The following EPS8 variants were observed in gnomAD, a reference collection of about 807,000 sequenced individuals.
EPS8 encodes EGFR pathway substrate 8, signaling adaptor, also known as epidermal growth factor receptor kinase substrate 8.
Under a neutral mutation model 103.8 loss-of-function variants are expected in EPS8, and 42 were observed. The observed-to-expected ratio is 0.40, with a 90% CI of 0.32 to 0.52. The LOEUF is 0.52. Ranked by LOEUF, EPS8 falls within the 20% of genes least tolerant of loss-of-function variation. The pLI is 0.40. For synonymous variants in EPS8, 344 were observed against 344.6 expected (o/e 1.00, Z 0.02); for missense variants, 969 against 1,005.1 (o/e 0.96, Z 0.49).
At chr12:15,635,142 T>C (rs1945112625) in intron 17 of EPS8, among the ~76,000 whole-genome samples, 1 of 152,200 alleles carries the variant, frequency 6.6e-6, no homozygotes, top group South Asian at 2.1e-4. Context: ...TTACAGAAGG[T>C]AATACTGCAT....
At chr12:15,686,830 C>T (rs1946102125) in intron 1 of EPS8, among the ~76,000 whole-genome samples, 1 of 152,044 alleles carries the variant, frequency 6.6e-6, no homozygotes, top group South Asian at 2.1e-4. Flanking sequence ...ATCTTGCTGC[C>T]ACATAATTAG....
At position 15,647,268 on chromosome 12, in the gene EPS8, A is replaced by G. The variant is rs1261868254; in HGVS notation, c.1435-8T>C. 1.2e-6 allele frequency: 2 copies of G among 1,609,814 alleles called. No homozygotes were observed. The highest frequency in any genetic ancestry group is 3.4e-5 in the Admixed American group (2 of 59,164). On this transcript the variant is annotated splice_polypyrimidine_tract_variant and splice_region_variant and intron_variant, in intron 14 of 20. Coordinates refer to ENST00000281172, the MANE Select transcript of EPS8 (RefSeq NM_004447.6). ...CTCTGATACACTGGAATGCTGAAAGACAAAGTGGGGCAGATTAAAGAATCA... is the reference window on the plus strand; with the variant it reads ...CTCTGATACACTGGAATGCTGAAAGGCAAAGTGGGGCAGATTAAAGAATCA...
At position 15,779,072 on chromosome 12, in the gene EPS8, G is replaced by C. The variant is rs1407697225; in HGVS notation, c.-22+10089C>G. Among the ~76,000 whole-genome samples the C allele has an allele frequency of 2.6e-5, 4 of 152,036 alleles. No individual in the cohort carries two copies. The highest frequency in any genetic ancestry group is 2.6e-4 in the Admixed American group (4 of 15,256). On this transcript the variant is annotated intron_variant, in intron 1 of 20. Coordinates refer to ENST00000281172, the MANE Select transcript of EPS8 (RefSeq NM_004447.6). This position sits in a 1 kb window ranked among gnomAD's most constrained non-coding sequence, Gnocchi z 4.3. ...GGCTCACCACAACCTCCTGCCTCCC[G>C]GGTTCAAGCAATTCTCCTGCCTCAG...
At chr12:15,649,537 CG>C (rs1565478919) in intron 14 of EPS8, among the ~76,000 whole-genome samples, 1 of 152,008 alleles carries the variant, frequency 6.6e-6, no homozygotes, top group Non-Finnish European at 1.5e-5. Flanking sequence ...GCTTGCCAAC[CG>C]AGCAGTGAGG....
intron 18 of EPS8, among the ~76,000 whole-genome samples, chr12:15,629,610 C>T (rs1483401914): frequency 6.6e-6 from 1 of 152,194 alleles, no homozygotes; most frequent in Non-Finnish European, 1.5e-5. Flanking sequence ...TCTACACACT[C>T]ACGCACACAG....
chr12:15,774,894 T>C lies in EPS8; in HGVS notation c.-22+14267A>G, dbSNP rs942122063. On this transcript the variant is annotated intron_variant, in intron 1 of 20. Transcript: ENST00000281172. ...AATGGCCCAATCCATGCATGCTTAG[T>C]ATTTAAAAGCAATTCTTGACCCTGC... 5.9e-5 allele frequency among the ~76,000 whole-genome samples: 9 copies of C among 152,038 alleles called. No individual in the cohort carries two copies. The East Asian group carries it at 7.7e-4, about 13-fold the overall frequency.
At chr12:15,661,040 G>C (rs558920581) in intron 9 of EPS8, among the ~76,000 whole-genome samples, 157 of 152,092 alleles carry the variant, frequency 1.0e-3, no homozygotes, top group Non-Finnish European at 2.0e-3. Flanking sequence ...CACACAGTTA[G>C]GAGGAAAATT....
intron 3 of EPS8, among the ~76,000 whole-genome samples, chr12:15,679,283 A>T (rs1436540366): frequency 6.6e-6 from 1 of 152,202 alleles, no homozygotes; most frequent in South Asian, 2.1e-4. Flanking sequence ...CTGCTCATTC[A>T]TTGTAAACAA....
chr12:15,768,450 AAAAAAG>A (rs1255928207), intron 1 of EPS8, among the ~76,000 whole-genome samples: 2 of 150,934 alleles, frequency 1.3e-5, no homozygotes, highest in South Asian at 2.1e-4. Context: ...AAAAAAAAAA[AAAAAAG>A]AATTTTAAGA....
chr12:15,699,851 C>A (rs1946289729), intron 1 of EPS8, among the ~76,000 whole-genome samples: 1 of 152,112 alleles, frequency 6.6e-6, no homozygotes, highest in South Asian at 2.1e-4. Flanking sequence ...CAATTCCCAC[C>A]CCTTTTTAAA....
At position 15,669,394 on chromosome 12, in the gene EPS8, T is replaced by G; in HGVS notation, c.509A>C (p.Glu170Ala). 6.2e-7 allele frequency: 1 copy of G among 1,610,028 alleles called. No homozygotes were observed. The highest frequency in any genetic ancestry group is 8.5e-7 in the Non-Finnish European group (1 of 1,178,918). The stretch of plus-strand genomic sequence containing the variant: ...ATTTCACCATTCTTTTACCTTAACC[T>G]CATCACACTGGAAGAGATGAAGATC... ...KPDLHLFQCD[E>A]VKANLISEDI... The change falls in exon 6 of 21, where the codon GAG becomes GCG. Residue 170 changes from glutamate to alanine, a missense_variant. Coordinates refer to ENST00000281172, the MANE Select transcript of EPS8 (RefSeq NM_004447.6).
rs150848356 is a variant in EPS8, at chr12:15,647,226, C to T, written c.1469G>A (p.Gly490Asp). 1.6e-5 allele frequency: 26 copies of T among 1,613,540 alleles called. No homozygotes were observed. In the African/African-American group the frequency reaches 3.3e-4, roughly 21 times the overall value. The change falls in exon 15 of 21, where the codon GGC becomes GAC. Residue 490 changes from glycine to aspartate, a missense_variant. Gly to Asp is a moderately conservative substitution (Grantham distance 94). Transcript: ENST00000281172. ...GTAAATGTTGCTACTGAACGCATAG[C>T]CATCGGCTGGATGATACTCTGATAC... is the stretch of plus-strand genomic sequence containing the variant. Reference protein sequence around the residue: ...SSVSEYHPADGYAFSSNIYTR... With the variant: ...SSVSEYHPADDYAFSSNIYTR...
chr12:15,715,895 A>C (rs969761067), intron 1 of EPS8, among the ~76,000 whole-genome samples: 3 of 152,056 alleles, frequency 2.0e-5, no homozygotes, highest in Non-Finnish European at 2.9e-5. Context: ...AAAAAAAAAA[A>C]CACGGCAGGA....
intron 12 of EPS8, 73 bp downstream of exon 12, chr12:15,658,006 G>T: frequency 1.1e-6 from 1 of 893,864 alleles, no homozygotes; most frequent in Non-Finnish European, 1.8e-6. Context: ...AAGCAGTCTA[G>T]ATAATCCAGA....
In EPS8 at chr12:15,666,628, C is replaced by G. The variant is rs1591835716; in HGVS notation, c.517-106G>C. On this transcript the variant is annotated intron_variant, in intron 6 of 20. Transcript: ENST00000281172. ...GTTCCTTGTCTGAATCAGTAAGTATCTTGATGTAAAAAGTCTTTTTATAAA... is the reference window on the plus strand; with the variant it reads ...GTTCCTTGTCTGAATCAGTAAGTATGTTGATGTAAAAAGTCTTTTTATAAA... The G allele has an allele frequency of 5.4e-6, 4 of 740,784 alleles. 1 individual carries two copies. In the East Asian group the frequency reaches 1.1e-4, roughly 20 times the overall value. The allele number at this position is 740,784 out of a possible 1,614,324, so 45.9% of individuals were successfully genotyped here.
intron 1 of EPS8, among the ~76,000 whole-genome samples, chr12:15,746,255 A>T (rs1946874091): frequency 6.6e-6 from 1 of 152,166 alleles, no homozygotes; most frequent in Non-Finnish European, 1.5e-5. Flanking sequence ...AATCCTCTTT[A>T]GCTGCTAAAT....
chr12:15,669,128 A>G (rs1180555798), intron 6 of EPS8, among the ~76,000 whole-genome samples: 1 of 152,208 alleles, frequency 6.6e-6, no homozygotes, highest in African/African-American at 2.4e-5. Flanking sequence ...CCCTGGCCTC[A>G]AGCCATCTTA....
intron 3 of EPS8, among the ~76,000 whole-genome samples, chr12:15,676,786 T>TC (rs1945916787): frequency 6.6e-6 from 1 of 152,194 alleles, no homozygotes; most frequent in Non-Finnish European, 1.5e-5. Context: ...TGTTACGGTG[T>TC]CAGTGACAAT....
rs998796847 is a variant in EPS8 at position 15,759,021 on chromosome 12, T to G, written c.-22+30140A>C. On this transcript the variant is annotated intron_variant, in intron 1 of 20. Coordinates refer to ENST00000281172, the MANE Select transcript of EPS8 (RefSeq NM_004447.6). The surrounding 1 kb of genome is among the most constrained non-coding windows in gnomAD (Gnocchi z 4.9). ...CTGGATTCTGGATTCTTCTACAGAT[T>G]TTTTTTTAAAATTTTTTAATTAAAA... Among the ~76,000 whole-genome samples the G allele has an allele frequency of 6.6e-6, 1 of 151,892 alleles. No individual in the cohort carries two copies. Among genetic ancestry groups the G allele is most frequent in the African/African-American group, 2.4e-5 (1 of 41,404 alleles).
Sources: gnomAD v4.1 joint callset for allele counts (sites outside exome capture counted in the v4.1 genomes callset) on GRCh38, gnomAD v4.1.1 for gene constraint, Gnocchi (gnomAD v3.1) non-coding constraint, MANE v1.5 for transcripts, NCBI Gene and HGNC (gene_info 2026-07-23, HGNC 2026-07-21) for gene names.